SPATA17: variants seen among roughly 807,000 people sequenced by gnomAD.
The protein encoded by SPATA17 is spermatogenesis associated 17.
In SPATA17, 53 loss-of-function variants were observed where a neutral mutation model predicts 62.2. The ratio of observed to expected loss-of-function variants is 0.85; its 90% CI spans 0.68 to 1.07. The LOEUF is 1.07. Ranked by LOEUF, SPATA17 falls within the 50% of genes least tolerant of loss-of-function variation. The probability of loss-of-function intolerance (pLI) is 0.00; values close to 1 mark genes in which losing one functional copy is unlikely to be tolerated. For missense variants in SPATA17, 466 were observed against 425.5 expected (o/e 1.10, Z -0.84); for synonymous variants, 146 against 146.8 (o/e 0.99, Z 0.04).
rs562293217 is a variant in SPATA17, at chr1:217,752,464, G to A, written c.519+10366G>A. Among the ~76,000 whole-genome samples the A allele has an allele frequency of 2.6e-5, 4 of 152,190 alleles. No individual in the cohort carries two copies. In the South Asian group the frequency reaches 8.3e-4, roughly 32 times the overall value. ...TGCCTGAAACAGCTCTATGGCATTTGTTTTCTATGTTTTGACTTCATACTC... is the reference window on the plus strand; with the variant it reads ...TGCCTGAAACAGCTCTATGGCATTTATTTTCTATGTTTTGACTTCATACTC... On this transcript the variant is annotated intron_variant, in intron 6 of 10. Coordinates refer to ENST00000366933, the MANE Select transcript of SPATA17 (RefSeq NM_138796.4).
At chr1:217,709,746 A>G (rs1391849567) in intron 5 of SPATA17, among the ~76,000 whole-genome samples, 1 of 152,184 alleles carries the variant, frequency 6.6e-6, no homozygotes, top group Admixed American at 6.5e-5. Context: ...TGATGCACAT[A>G]TTGTATTTCA....
chr1:217,712,128 C>CTTTTTTTTTTTTTTTTTTTT lies in SPATA17; in HGVS notation c.395+28771_395+28772insTTTTTTTTTTTTTTTTTTTT, dbSNP rs551988828. Among the ~76,000 whole-genome samples the CTTTTTTTTTTTTTTTTTTTT allele has an allele frequency of 2.8e-4, 38 of 134,130 alleles. 5 individuals carry two copies. The highest frequency in any genetic ancestry group is 8.9e-4 in the African/African-American group (31 of 34,984). 88.0% of individuals were successfully genotyped at this position (134,130 alleles called of 152,430 possible). On this transcript the variant is annotated intron_variant, in intron 5 of 10. Coordinates refer to ENST00000366933, the MANE Select transcript of SPATA17 (RefSeq NM_138796.4). ...GGACCCTTAAGTTCTACAATATGTT[C>CTTTTTTTTTTTTTTTTTTTT]TTTTGTTTTTTTTTTTTTACGGAGT...
rs1232475066 is a variant in SPATA17 at position 217,742,007 on chromosome 1, A to G, written c.428A>G (p.Glu143Gly). 3 of 1,613,982 alleles carry G rather than the reference A, an allele frequency of 1.9e-6. No individual in the cohort carries two copies. The highest frequency in any genetic ancestry group is 3.3e-5 in the Admixed American group (2 of 59,994). Residue 143 changes from glutamate to glycine, a missense_variant, in exon 6 of 11, where the codon GAA becomes GGA. Glu to Gly is a moderately conservative substitution (Grantham distance 98). Transcript: ENST00000366933. ...KALEEFAEMK[E>G]REEKKANLER... ...CTGGAGGAGTTTGCAGAAATGAAAGAAAGAGAAGAGAAGAAGGCTAACCTC... is the reference window on the plus strand; with the variant it reads ...CTGGAGGAGTTTGCAGAAATGAAAGGAAGAGAAGAGAAGAAGGCTAACCTC...
intron 5 of SPATA17, among the ~76,000 whole-genome samples, chr1:217,701,928 T>C (rs1451114903): frequency 6.6e-6 from 1 of 152,044 alleles, no homozygotes; most frequent in Non-Finnish European, 1.5e-5. Context: ...TTTTCAATTG[T>C]GACTTTAGTT....
At position 217,668,946 on chromosome 1, in the gene SPATA17, A is replaced by G. The variant is rs547487073; in HGVS notation, c.241-87A>G. Reference sequence around the variant, plus strand: ...AGAACTCTTATTATGTATTATGTATAAAGATTCTTATCTTTTATATGTAAA... The same window carrying G: ...AGAACTCTTATTATGTATTATGTATGAAGATTCTTATCTTTTATATGTAAA... On this transcript the variant is annotated intron_variant, in intron 3 of 10. Coordinates refer to ENST00000366933, the MANE Select transcript of SPATA17 (RefSeq NM_138796.4). 3.0e-4 allele frequency: 343 copies of G among 1,162,188 alleles called. 4 individuals are homozygous for G. The South Asian group carries it at 4.3e-3, about 15-fold the overall frequency. The allele number at this position is 1,162,188 out of a possible 1,614,324, so 72.0% of individuals were successfully genotyped here.
intron 7 of SPATA17, among the ~76,000 whole-genome samples, chr1:217,779,854 G>T (rs1054366458): frequency 6.6e-6 from 1 of 151,936 alleles, no homozygotes; most frequent in Non-Finnish European, 1.5e-5. Context: ...TTTAATAATG[G>T]CTTAAACATA....
At chr1:217,854,459 A>G (rs1442439666) in intron 9 of SPATA17, among the ~76,000 whole-genome samples, 1 of 152,076 alleles carries the variant, frequency 6.6e-6, no homozygotes, top group Non-Finnish European at 1.5e-5. Flanking sequence ...AAATAGGGTC[A>G]CTCTGAGAAG....
At chr1:217,671,259 TG>T (rs1366506743) in intron 4 of SPATA17, among the ~76,000 whole-genome samples, 1 of 152,160 alleles carries the variant, frequency 6.6e-6, no homozygotes, top group Non-Finnish European at 1.5e-5. Context: ...CCCTGAACAT[TG>T]GCCTGCATGT....
rs527838128 is a variant in SPATA17, at chr1:217,676,554, C to G, written c.292-6704C>G. Among the ~76,000 whole-genome samples the G allele has an allele frequency of 3.9e-5, 6 of 152,228 alleles. No homozygotes were observed. The South Asian group carries it at 1.2e-3, about 32-fold the overall frequency. ...AAATTAATGTTTAGAGTATACTAGT[C>G]TTCAATAACCTAAACATAATGGGGA... On this transcript the variant is annotated intron_variant, in intron 4 of 10. Transcript: ENST00000366933.
At chr1:217,744,099 T>C (rs576569950) in intron 6 of SPATA17, among the ~76,000 whole-genome samples, 12 of 152,268 alleles carry the variant, frequency 7.9e-5, no homozygotes, top group African/African-American at 2.9e-4. Context: ...ATAGAGACTT[T>C]CTATGCATTA....
chr1:217,808,383 C>CACA (rs34932787), intron 9 of SPATA17, among the ~76,000 whole-genome samples: 802 of 68,880 alleles, frequency 0.012, 7 homozygotes, highest in South Asian at 0.038. Flanking sequence ...ACACACACAC[C>CACA]CCCCTCAGAA....
chr1:217,670,348 G>A lies in SPATA17; in HGVS notation c.291+1265G>A, dbSNP rs182797711. ...GAAGGAGATCCTCCCTCCCTTCTGC[G>A]CTTCTAGGGAGAAGCACAGAAGATA... On this transcript the variant is annotated intron_variant, in intron 4 of 10. Transcript: ENST00000366933. Among the ~76,000 whole-genome samples, 16 of 152,190 alleles carry A rather than the reference G, an allele frequency of 1.1e-4. No individual in the cohort carries two copies. In the East Asian group the frequency reaches 1.4e-3, roughly 13 times the overall value.
chr1:217,734,052 T>C (rs776386667), intron 5 of SPATA17, among the ~76,000 whole-genome samples: 1 of 152,218 alleles, frequency 6.6e-6, no homozygotes, highest in Non-Finnish European at 1.5e-5. Flanking sequence ...AAATTTTGTT[T>C]CTAATGGGAA....
At chr1:217,737,708 G>A (rs957583097) in intron 5 of SPATA17, 1 of 152,386 alleles carries the variant, frequency 6.6e-6, no homozygotes, top group African/African-American at 2.4e-5. Flanking sequence ...CTGGCAGCTG[G>A]AACTTTGGGT....
chr1:217,780,796 C>T (rs1276246742), intron 7 of SPATA17, among the ~76,000 whole-genome samples: 1 of 152,152 alleles, frequency 6.6e-6, no homozygotes, highest in Non-Finnish European at 1.5e-5. Flanking sequence ...AAGGGTGTCA[C>T]ATTATCGTAC....
intron 5 of SPATA17, among the ~76,000 whole-genome samples, chr1:217,723,066 T>G (rs1424889828): frequency 6.6e-6 from 1 of 152,192 alleles, no homozygotes; most frequent in Non-Finnish European, 1.5e-5. Context: ...CAGGACGTAT[T>G]AGCATCAGCC....
At chr1:217,824,404 A>C (rs960431984) in intron 9 of SPATA17, among the ~76,000 whole-genome samples, 3 of 151,688 alleles carry the variant, frequency 2.0e-5, no homozygotes. Flanking sequence ...CCAGAATATT[A>C]CTTAAAAAAT....
chr1:217,826,126 C>T (rs1314406461), intron 9 of SPATA17, among the ~76,000 whole-genome samples: 2 of 152,118 alleles, frequency 1.3e-5, no homozygotes, highest in African/African-American at 2.4e-5. Flanking sequence ...CAGGCTCTAA[C>T]TCCAAGCTCA....
chr1:217,637,756 G>T (rs1669974056), intron 1 of SPATA17, among the ~76,000 whole-genome samples: 1 of 152,008 alleles, frequency 6.6e-6, no homozygotes, highest in Non-Finnish European at 1.5e-5. Context: ...ATTAATTACT[G>T]AATTTTTTCT....
Sources: gnomAD v4.1 joint callset for allele counts (sites outside exome capture counted in the v4.1 genomes callset) on GRCh38, gnomAD v4.1.1 for gene constraint, MANE v1.5 for transcripts, NCBI Gene and HGNC (gene_info 2026-07-23, HGNC 2026-07-21) for gene names.